EPC2: variants seen among roughly 807,000 people sequenced by gnomAD.
EPC2 encodes enhancer of polycomb 2, also known as enhancer of polycomb homolog 2.
In EPC2, 14 loss-of-function variants were observed where a neutral mutation model predicts 92.1. The ratio of observed to expected loss-of-function variants is 0.15; its 90% CI spans 0.10 to 0.24. EPC2 has a LOEUF of 0.24. EPC2 is among the 10% of genes least tolerant of loss of function. The pLI is 1.00. For missense variants in EPC2, 755 were observed against 971.5 expected, an observed-to-expected ratio of 0.78 and a Z score of 2.96; for synonymous variants, 340 against 334.7, an observed-to-expected ratio of 1.02 and a Z score of -0.17.
intron 1 of EPC2, among the ~76,000 whole-genome samples, chr2:148,650,507 GAGATAC>G (rs1680660140): frequency 1.3e-5 from 2 of 151,712 alleles, no homozygotes; most frequent in African/African-American, 4.8e-5. Flanking sequence ...AGATTTCTGT[GAGATAC>G]TTTTTCATAC....
intron 1 of EPC2, among the ~76,000 whole-genome samples, chr2:148,669,401 G>A (rs1681112156): frequency 6.6e-6 from 1 of 152,178 alleles, no homozygotes; most frequent in Non-Finnish European, 1.5e-5. Context: ...TAAAGGCTGG[G>A]CACAGTGGTT....
At position 148,740,648 on chromosome 2, in the gene EPC2, A is replaced by G. The variant is rs1402935096; in HGVS notation, c.314-2974A>G. Among the ~76,000 whole-genome samples, 3 of 152,140 alleles carry G rather than the reference A, an allele frequency of 2.0e-5. No individual in the cohort carries two copies. The East Asian group carries it at 5.8e-4, about 29-fold the overall frequency. ...AGAGCAGATAGGAGGTGGAGGAACA[A>G]GAGGTGAGTAAGATTAGGTAGGTGT... is the stretch of plus-strand genomic sequence containing the variant. On this transcript the variant is annotated intron_variant, in intron 2 of 13. Coordinates refer to ENST00000258484, the MANE Select transcript of EPC2 (RefSeq NM_015630.4).
intron 1 of EPC2, among the ~76,000 whole-genome samples, chr2:148,658,973 GTAATAGATC>G (rs2105353856): frequency 6.6e-6 from 1 of 152,104 alleles, no homozygotes; most frequent in South Asian, 2.1e-4. Flanking sequence ...GTTTGTATTT[GTAATAGATC>G]ATTATTGGAT....
At chr2:148,701,458 A>G (rs1249487685) in intron 2 of EPC2, among the ~76,000 whole-genome samples, 1 of 152,180 alleles carries the variant, frequency 6.6e-6, no homozygotes, top group East Asian at 1.9e-4. Flanking sequence ...TGAGAGTTTT[A>G]TCATGAAAGA....
intron 1 of EPC2, among the ~76,000 whole-genome samples, chr2:148,676,745 A>G (rs932908081): frequency 4.0e-5 from 6 of 151,238 alleles, no homozygotes; most frequent in African/African-American, 9.7e-5. Flanking sequence ...TGTAATTTAC[A>G]TAAGTAATTC....
chr2:148,770,282 C>G (rs931478227), intron 8 of EPC2, among the ~76,000 whole-genome samples: 2 of 152,132 alleles, frequency 1.3e-5, no homozygotes, highest in Non-Finnish European at 2.9e-5. Context: ...TCTAGTGATC[C>G]TCCTGTCTTG....
chr2:148,756,322 C>T (rs62184109), intron 4 of EPC2, among the ~76,000 whole-genome samples: 2,722 of 152,258 alleles, frequency 0.018, 42 homozygotes, highest in Non-Finnish European at 0.029. Context: ...CTATCATGCT[C>T]ACCATTGCTA....
At position 148,767,726 on chromosome 2, in the gene EPC2, C is replaced by T. The variant is rs189772144; in HGVS notation, c.1141-1425C>T. Among the ~76,000 whole-genome samples, 30 of 152,294 alleles carry T rather than the reference C, an allele frequency of 2.0e-4. 1 individual carries two copies. In the East Asian group the frequency reaches 4.6e-3, roughly 23 times the overall value. On this transcript the variant is annotated intron_variant, in intron 7 of 13. Transcript: ENST00000258484. The stretch of plus-strand genomic sequence containing the variant: ...CAGAGCTAAAACTCTGCCTCTTGAT[C>T]GTGCTTCCGATTTTCCTAACATTAG...
chr2:148,776,766 T>C (rs1683652111), intron 10 of EPC2, among the ~76,000 whole-genome samples: 1 of 151,812 alleles, frequency 6.6e-6, no homozygotes, highest in South Asian at 2.1e-4. Flanking sequence ...CTCTGTAATC[T>C]AGCACTTCGT....
At chr2:148,666,478 G>T (rs780960507) in intron 1 of EPC2, among the ~76,000 whole-genome samples, 9 of 152,140 alleles carry the variant, frequency 5.9e-5, no homozygotes, top group Non-Finnish European at 1.3e-4. Context: ...TTAATTTATT[G>T]CATACCGATA....
At chr2:148,675,168 T>C (rs986224002) in intron 1 of EPC2, among the ~76,000 whole-genome samples, 12 of 152,206 alleles carry the variant, frequency 7.9e-5, no homozygotes, top group Non-Finnish European at 1.6e-4. Context: ...ATAATTTTCA[T>C]TGGGCTTCTA....
chr2:148,658,973 G>T (rs1003328817), intron 1 of EPC2, among the ~76,000 whole-genome samples: 4 of 151,986 alleles, frequency 2.6e-5, no homozygotes, highest in Non-Finnish European at 4.4e-5. Context: ...GTTTGTATTT[G>T]TAATAGATCA....
intron 1 of EPC2, among the ~76,000 whole-genome samples, chr2:148,650,639 T>A (rs1443232687): frequency 6.6e-6 from 1 of 152,190 alleles, no homozygotes; most frequent in Non-Finnish European, 1.5e-5. Flanking sequence ...GCCGTTATGT[T>A]AATATTTTAA....
chr2:148,665,204 A>C, intron 1 of EPC2, among the ~76,000 whole-genome samples: 1 of 152,212 alleles, frequency 6.6e-6, no homozygotes, highest in South Asian at 2.1e-4. Flanking sequence ...TTTCATATAT[A>C]GGTATCTTGG....
intron 3 of EPC2, among the ~76,000 whole-genome samples, chr2:148,751,281 A>G (rs917011980): frequency 5.9e-5 from 9 of 152,100 alleles, no homozygotes; most frequent in African/African-American, 2.2e-4. Flanking sequence ...GAAATTACAG[A>G]TTTTGTTGAT....
chr2:148,715,701 C>T (rs904752391), intron 2 of EPC2, among the ~76,000 whole-genome samples: 10 of 151,956 alleles, frequency 6.6e-5, no homozygotes, highest in Admixed American at 3.9e-4. Context: ...GTCTTGGCTA[C>T]TCGGGCTCTT....
At chr2:148,752,365 G>A (rs1683096579) in intron 3 of EPC2, among the ~76,000 whole-genome samples, 1 of 152,142 alleles carries the variant, frequency 6.6e-6, no homozygotes, top group South Asian at 2.1e-4. Context: ...CTAGAAAGCT[G>A]TGTTCTTATT....
chr2:148,673,517 A>C (rs1681196705), intron 1 of EPC2, among the ~76,000 whole-genome samples: 2 of 152,136 alleles, frequency 1.3e-5, no homozygotes, highest in Admixed American at 6.5e-5. Flanking sequence ...TCAACTTCAG[A>C]AGTTCTGTTG....
chr2:148,785,609 A>T (rs2105443998), intron 13 of EPC2, among the ~76,000 whole-genome samples: 1 of 152,280 alleles, frequency 6.6e-6, no homozygotes, highest in South Asian at 2.1e-4. Flanking sequence ...TACAAGTGTG[A>T]AGTTCCTCTT....
Sources: allele counts gnomAD v4.1 joint callset (sites outside exome capture counted in the v4.1 genomes callset), GRCh38; gene constraint gnomAD v4.1.1; transcripts MANE v1.5; gene names NCBI Gene and HGNC (gene_info 2026-07-23, HGNC 2026-07-21).